Variants in SLC25A2 observed in about 807,000 individuals in gnomAD.
SLC25A2 encodes mitochondrial ornithine transporter 2.
Under a neutral mutation model 7.4 loss-of-function variants are expected in SLC25A2, and 6 were observed. The ratio of observed to expected loss-of-function variants is 0.82; its 90% CI spans 0.45 to 1.61. The LOEUF (loss-of-function observed/expected upper bound fraction) is 1.61. Among genes scored for constraint, SLC25A2 ranks in the 40% most tolerant of loss-of-function variants. The pLI, the probability that SLC25A2 is intolerant of heterozygous loss-of-function variation, is 0.01. For missense variants in SLC25A2, 356 were observed against 377.3 expected, an observed-to-expected ratio of 0.94 and a Z score of 0.47; for synonymous variants, 158 against 153.4, an observed-to-expected ratio of 1.03 and a Z score of -0.22.
Position 141,303,541 on chromosome 5 carries a change from T to C in SLC25A2, c.325A>G (p.Thr109Ala). The C allele has an allele frequency of 6.2e-7, 1 of 1,614,210 alleles. No individual in the cohort carries two copies. Reference protein sequence around the residue: ...DKQAKLSDLQTAAAGSFASAF... With the variant: ...DKQAKLSDLQAAAAGSFASAF... ...GAGGCGAAGGACCCCGCGGCTGCAG[T>C]CTGGAGATCACTCAGCTTTGCCTGC... is the stretch of plus-strand genomic sequence containing the variant. Residue 109 changes from threonine (T) to alanine (A), a missense_variant, in exon 1 of 1, where the codon ACT becomes GCT. By Grantham distance (58) the Thr-to-Ala change is moderately conservative. Transcript: ENST00000239451.
Position 141,303,557 on chromosome 5 carries a change from C to T in SLC25A2, c.309G>A (p.Lys103=), listed in dbSNP as rs782411098. Reference sequence around the variant, plus strand: ...CGGCTGCAGTCTGGAGATCACTCAGCTTTGCCTGCTTGTCCATTCCAGCCA... The same window carrying T: ...CGGCTGCAGTCTGGAGATCACTCAGTTTTGCCTGCTTGTCCATTCCAGCCA... ...RKVAGMDKQA[K]LSDLQTAAAG... is the part of the protein sequence containing the mutation. Residue 103 remains lysine (K), a synonymous_variant, in exon 1 of 1, where the codon AAG becomes AAA. Transcript: ENST00000239451. 2 of 1,614,250 alleles carry T rather than the reference C, an allele frequency of 1.2e-6. No homozygotes were observed. The highest frequency in any genetic ancestry group is 1.7e-6 in the Non-Finnish European group (2 of 1,180,044).
rs145456969 is a variant in SLC25A2 at position 141,303,151 on chromosome 5, C to T, written c.715G>A (p.Val239Ile). The T allele has an allele frequency of 5.6e-6, 9 of 1,614,070 alleles. No homozygotes were observed. Among genetic ancestry groups the T allele is most frequent in the Non-Finnish European group, 6.8e-6 (8 of 1,180,050 alleles). The change falls in exon 1 of 1, where the codon GTT (valine) becomes ATT (isoleucine). Residue 239 changes from valine to isoleucine, a missense_variant. Val to Ile is a conservative substitution (Grantham distance 29). Transcript: ENST00000239451. ...PVDCIKSRIQ[V>I]LSMYGKQAGF... ...GCCTGTTTCCCATACATGGAAAGAA[C>T]TTGAATTCTGGATTTAATACAATCC...
At position 141,303,137 on chromosome 5, in the gene SLC25A2, A is replaced by C; in HGVS notation, c.729T>G (p.Tyr243Ter). The C allele has an allele frequency of 1.2e-6, 2 of 1,614,224 alleles. No individual in the cohort carries two copies. The highest frequency in any genetic ancestry group is 1.7e-6 in the Non-Finnish European group (2 of 1,180,042). Residue 243 changes from tyrosine to a stop codon, truncating the protein, a stop_gained, in exon 1 of 1, where the codon TAT (tyrosine) becomes TAG (stop). Coordinates refer to ENST00000239451, the MANE Select transcript of SLC25A2 (RefSeq NM_031947.4). LOFTEE classifies it high-confidence loss of function. ...TACCAATAAATCCTGCCTGTTTCCCATACATGGAAAGAACTTGAATTCTGG... is the reference window on the plus strand; with the variant it reads ...TACCAATAAATCCTGCCTGTTTCCCCTACATGGAAAGAACTTGAATTCTGG... ...IKSRIQVLSM[Y>*]GKQAGFIGTL... is the part of the protein sequence containing the mutation.
rs1554295998 is a variant in SLC25A2 at position 141,302,975 on chromosome 5, C to A, written c.891G>T (p.Gln297His). 1 of 1,612,446 alleles carries A rather than the reference C, an allele frequency of 6.2e-7. No individual in the cohort carries two copies. The highest frequency in any genetic ancestry group is 2.2e-5 in the East Asian group (1 of 44,880). Reference protein sequence around the residue: ...YEYSRKMMMKQLEAY With the variant: ...YEYSRKMMMKHLEAY ...CCAAGACACTTCAGTATGCTTCCAA[C>A]TGTTTCATCATCATCTTCCTGCTGT... Residue 297 changes from glutamine to histidine, a missense_variant, in exon 1 of 1, where the codon CAG (glutamine) becomes CAT (histidine). Gln to His is a conservative substitution (Grantham distance 24). Transcript: ENST00000239451.
In SLC25A2 at chr5:141,303,107, G is replaced by A. The variant is rs3749781; in HGVS notation, c.759C>T (p.Leu253=). Residue 253 remains leucine, a synonymous_variant, in exon 1 of 1, where the codon CTC becomes CTT. Coordinates refer to ENST00000239451, the MANE Select transcript of SLC25A2 (RefSeq NM_031947.4). ...YGKQAGFIGT[L]LSVVRNEGIV... is the part of the protein sequence containing the mutation. ...TTCCTTCATTTCTCACAACACTTAAGAGGGTACCAATAAATCCTGCCTGTT... is the reference window on the plus strand; with the variant it reads ...TTCCTTCATTTCTCACAACACTTAAAAGGGTACCAATAAATCCTGCCTGTT... The A allele has an allele frequency of 8.9e-5, 143 of 1,614,190 alleles. No homozygotes were observed. The East Asian group carries it at 2.5e-3, about 28-fold the overall frequency.
chr5:141,303,739 G>A lies in SLC25A2; in HGVS notation c.127C>T (p.Leu43=). ...IKVKMQTFPD[L]YKGLTDCFLK... ...AAGCAGTCGGTGAGGCCCTTGTACA[G>A]GTCAGGGAACGTCTGCATCTTCACT... Residue 43 remains leucine (L), a synonymous_variant, in exon 1 of 1, where the codon CTG becomes TTG. Transcript: ENST00000239451. 6.2e-7 allele frequency: 1 copy of A among 1,614,246 alleles called. No homozygotes were observed. Among genetic ancestry groups the A allele is most frequent in the Non-Finnish European group, 8.5e-7 (1 of 1,180,042 alleles).
Position 141,303,272 on chromosome 5 carries a change from A to G in SLC25A2, c.594T>C (p.Phe198=). 6.2e-7 allele frequency: 1 copy of G among 1,614,220 alleles called. No individual in the cohort carries two copies. Among genetic ancestry groups the G allele is most frequent in the Non-Finnish European group, 8.5e-7 (1 of 1,180,024 alleles). The change falls in exon 1 of 1, where the codon TTT becomes TTC. Residue 198 remains phenylalanine, a synonymous_variant. Transcript: ENST00000239451. ...FGGYELSRSF[F]ASGRSKDELG... is the part of the protein sequence containing the mutation. Reference sequence around the variant, plus strand: ...GTTCATCTTTTGATCTCCCTGACGCAAAAAACGATCGGCTCAGTTCATAGC... The same window carrying G: ...GTTCATCTTTTGATCTCCCTGACGCGAAAAACGATCGGCTCAGTTCATAGC...
chr5:141,303,129 T>C lies in SLC25A2; in HGVS notation c.737A>G (p.Gln246Arg). 6.2e-7 allele frequency: 1 copy of C among 1,614,246 alleles called. No individual in the cohort carries two copies. Among genetic ancestry groups the C allele is most frequent in the Non-Finnish European group, 8.5e-7 (1 of 1,180,044 alleles). Reference protein sequence around the residue: ...RIQVLSMYGKQAGFIGTLLSV... With the variant: ...RIQVLSMYGKRAGFIGTLLSV... ...TAAGAGGGTACCAATAAATCCTGCCTGTTTCCCATACATGGAAAGAACTTG... is the reference window on the plus strand; with the variant it reads ...TAAGAGGGTACCAATAAATCCTGCCCGTTTCCCATACATGGAAAGAACTTG... Residue 246 changes from glutamine (Q) to arginine (R), a missense_variant, in exon 1 of 1, where the codon CAG (glutamine) becomes CGG (arginine). Coordinates refer to ENST00000239451, the MANE Select transcript of SLC25A2 (RefSeq NM_031947.4).
rs142472222 is a variant in SLC25A2 at position 141,303,530 on chromosome 5, C to A, written c.336G>T (p.Ala112=). ...CAGCAAATGCAGAGGCGAAGGACCC[C>A]GCGGCTGCAGTCTGGAGATCACTCA... is the stretch of plus-strand genomic sequence containing the variant. ...AKLSDLQTAA[A]GSFASAFAAL... is the part of the protein sequence containing the mutation. The change falls in exon 1 of 1, where the codon GCG becomes GCT. Residue 112 remains alanine (A), a synonymous_variant. Transcript: ENST00000239451. 454 of 1,614,228 alleles carry A rather than the reference C, an allele frequency of 2.8e-4. 1 individual carries two copies. In the African/African-American group the frequency reaches 5.5e-3, roughly 20 times the overall value.
Position 141,303,955 on chromosome 5 carries a change from G to C in SLC25A2, c.-90C>G, listed in dbSNP as rs539255533. ...TTTCACGTCCAGCCGCAGCGAGCGCGGGGAATGGAGTTGGGGGTGGTGGGG... is the reference window on the plus strand; with the variant it reads ...TTTCACGTCCAGCCGCAGCGAGCGCCGGGAATGGAGTTGGGGGTGGTGGGG... On this transcript the variant is annotated 5_prime_UTR_variant, in exon 1 of 1. Transcript: ENST00000239451. 4.9e-5 allele frequency: 70 copies of C among 1,438,858 alleles called. No individual in the cohort carries two copies. The African/African-American group carries it at 7.6e-4, about 16-fold the overall frequency. The allele number at this position is 1,438,858 out of a possible 1,614,324, so 89.1% of individuals were successfully genotyped here. A position where few individuals can be genotyped will look rare whatever the true frequency, so the allele number is the denominator to read the frequency against.
Position 141,302,709 on chromosome 5 carries a change from C to G in SLC25A2, c.*251G>C, listed in dbSNP as rs1588427986. 2 of 421,510 alleles carry G rather than the reference C, an allele frequency of 4.7e-6. No individual in the cohort carries two copies. The highest frequency in any genetic ancestry group is 8.4e-6 in the Non-Finnish European group (2 of 238,392). The allele number at this position is 421,510 out of a possible 1,614,324, so 26.1% of individuals were successfully genotyped here. ...TTTCAGATTAGGTACATAGGGCCAA[C>G]CAGCCCACCCTGTACATTCCAGCAA... On this transcript the variant is annotated 3_prime_UTR_variant, in exon 1 of 1. Transcript: ENST00000239451.
Position 141,303,822 on chromosome 5 carries a change from G to T in SLC25A2, c.44C>A (p.Ala15Glu). ...ACACGCTGTCCCCCCTGCGGCCCCC[G>T]CTGTGAGGTCGATGGCGGCTTGGAT... ...PGIQAAIDLT[A>E]GAAGGTACVL... Residue 15 changes from alanine to glutamate, a missense_variant, in exon 1 of 1, where the codon GCG becomes GAG. Transcript: ENST00000239451. 2 of 1,614,158 alleles carry T rather than the reference G, an allele frequency of 1.2e-6. No individual in the cohort carries two copies. Among genetic ancestry groups the T allele is most frequent in the South Asian group, 1.1e-5 (1 of 91,084 alleles).
chr5:141,303,367 A>G lies in SLC25A2; in HGVS notation c.499T>C (p.Leu167=). Residue 167 remains leucine, a synonymous_variant, in exon 1 of 1, where the codon TTG becomes CTG. Coordinates refer to ENST00000239451, the MANE Select transcript of SLC25A2 (RefSeq NM_031947.4). ...VKGILKKDGP[L]GFYHGLSSTL... is the part of the protein sequence containing the mutation. The stretch of plus-strand genomic sequence containing the variant: ...CTCGAGAGTCCATGGTAGAAGCCCA[A>G]GGGGCCATCCTTTTTAAGGATACCC... 1 of 1,614,116 alleles carries G rather than the reference A, an allele frequency of 6.2e-7. No individual in the cohort carries two copies. The highest frequency in any genetic ancestry group is 8.5e-7 in the Non-Finnish European group (1 of 1,180,040).
chr5:141,303,608 C>A lies in SLC25A2; in HGVS notation c.258G>T (p.Gly86=). 1 of 1,614,220 alleles carries A rather than the reference C, an allele frequency of 6.2e-7. No individual in the cohort carries two copies. The highest frequency in any genetic ancestry group is 1.3e-5 in the African/African-American group (1 of 75,054). Residue 86 remains glycine (G), a synonymous_variant, in exon 1 of 1, where the codon GGG becomes GGT. Transcript: ENST00000239451. ...CTTTCCTGACAAACTGCTGGCAGAA[C>A]CCGTAGCACATGAAGAGGACCGAGT... ...AENSVLFMCY[G]FCQQFVRKVA... is the part of the protein sequence containing the mutation.
chr5:141,303,753 T>G lies in SLC25A2; in HGVS notation c.113A>C (p.Gln38Pro), dbSNP rs200019700. ...GCCCTTGTACAGGTCAGGGAACGTC[T>G]GCATCTTCACTTTTATTGTGTCGAA... The part of the protein sequence containing the change: ...QPFDTIKVKM[Q>P]TFPDLYKGLT... The change falls in exon 1 of 1, where the codon CAG becomes CCG. Residue 38 changes from glutamine (Q) to proline (P), a missense_variant. Physicochemically the swap from Gln to Pro is moderately conservative, Grantham distance 76. Transcript: ENST00000239451. The G allele has an allele frequency of 4.5e-5, 73 of 1,614,238 alleles. No homozygotes were observed. In the East Asian group the frequency reaches 1.3e-3, roughly 28 times the overall value.
In SLC25A2 at chr5:141,303,730, C is replaced by A; in HGVS notation, c.136G>T (p.Gly46Cys). The A allele has an allele frequency of 6.2e-7, 1 of 1,614,150 alleles. No individual in the cohort carries two copies. Among genetic ancestry groups the A allele is most frequent in the South Asian group, 1.1e-5 (1 of 91,076 alleles). ...KMQTFPDLYK[G>C]LTDCFLKTYA... ...GTCTTCAGGAAGCAGTCGGTGAGGC[C>A]CTTGTACAGGTCAGGGAACGTCTGC... The change falls in exon 1 of 1, where the codon GGC becomes TGC. Residue 46 changes from glycine to cysteine, a missense_variant. Gly to Cys is a radical substitution (Grantham distance 159, BLOSUM62 -3). Transcript: ENST00000239451.
chr5:141,303,870 G>A lies in SLC25A2; in HGVS notation c.-5C>T. On this transcript the variant is annotated 5_prime_UTR_variant, in exon 1 of 1. Coordinates refer to ENST00000239451, the MANE Select transcript of SLC25A2 (RefSeq NM_031947.4). The stretch of plus-strand genomic sequence containing the variant: ...GATGCCAGGACCGGACTTCATGTTC[G>A]CTCACTCGTCTGAGGGTCCCAGTGG... 6.2e-7 allele frequency: 1 copy of A among 1,611,326 alleles called. No homozygotes were observed.
Position 141,303,944 on chromosome 5 carries a change from G to A in SLC25A2, c.-79C>T. Reference sequence around the variant, plus strand: ...TGAGACCGGCTTTTCACGTCCAGCCGCAGCGAGCGCGGGGAATGGAGTTGG... The same window carrying A: ...TGAGACCGGCTTTTCACGTCCAGCCACAGCGAGCGCGGGGAATGGAGTTGG... On this transcript the variant is annotated 5_prime_UTR_variant, in exon 1 of 1. Transcript: ENST00000239451. The A allele has an allele frequency of 2.0e-6, 3 of 1,479,666 alleles. No individual in the cohort carries two copies. Among genetic ancestry groups the A allele is most frequent in the Non-Finnish European group, 2.7e-6 (3 of 1,100,764 alleles). 91.7% of individuals were successfully genotyped at this position (1,479,666 alleles called of 1,614,324 possible).
chr5:141,303,811 C>A lies in SLC25A2; in HGVS notation c.55G>T (p.Gly19Trp). The part of the protein sequence containing the change: ...AAIDLTAGAA[G>W]GTACVLTGQP... The stretch of plus-strand genomic sequence containing the variant: ...CCAGTCAGTACACACGCTGTCCCCC[C>A]TGCGGCCCCCGCTGTGAGGTCGATG... The change falls in exon 1 of 1, where the codon GGG (glycine) becomes TGG (tryptophan). Residue 19 changes from glycine to tryptophan, a missense_variant. Transcript: ENST00000239451. 1.7e-5 allele frequency: 27 copies of A among 1,614,236 alleles called. No homozygotes were observed. The highest frequency in any genetic ancestry group is 2.3e-5 in the Non-Finnish European group (27 of 1,180,048).
Sources: allele counts gnomAD v4.1 joint callset, GRCh38; gene constraint gnomAD v4.1.1; transcripts MANE v1.5; gene names NCBI Gene and HGNC (gene_info 2026-07-23, HGNC 2026-07-21).